Variants in PHKA2 observed in about 807,000 individuals in gnomAD.
The protein encoded by PHKA2 is phosphorylase kinase regulatory subunit alpha 2, also known as phosphorylase b kinase regulatory subunit alpha, liver isoform.
PHKA2 carries 31 observed loss-of-function variants against 102.0 expected under a neutral mutation model. The ratio of observed to expected loss-of-function variants is 0.30; its 90% CI spans 0.23 to 0.41. PHKA2 has a LOEUF of 0.41. Among genes scored for constraint, PHKA2 ranks in the 10% least tolerant of loss-of-function variants. The probability of loss-of-function intolerance (pLI) is 1.00; values close to 1 mark genes in which losing one functional copy is unlikely to be tolerated. For missense variants in PHKA2, 858 were observed against 1,023.1 expected, an observed-to-expected ratio of 0.84 and a Z score of 2.20; for synonymous variants, 455 against 416.2, an observed-to-expected ratio of 1.09 and a Z score of -1.13.
chrX:18,969,250 C>T (rs755768560), intron 1 of PHKA2, among the ~76,000 whole-genome samples: 1 of 111,382 alleles, frequency 9.0e-6, no homozygotes, highest in Non-Finnish European at 1.9e-5. Context: ...AAAATGTCTG[C>T]CAAATGCCCA....
rs376602692 is a variant in PHKA2, at chrX:18,893,453, T to G, written c.*32A>C. On this transcript the variant is annotated 3_prime_UTR_variant, in exon 33 of 33. Coordinates refer to ENST00000379942, the MANE Select transcript of PHKA2 (RefSeq NM_000292.3). Reference sequence around the variant, plus strand: ...GTAAGGCTAGGGGGCACGTGACAGATTGAGAGTGTGATCATGTTTCCAGGT... The same window carrying G: ...GTAAGGCTAGGGGGCACGTGACAGAGTGAGAGTGTGATCATGTTTCCAGGT... 5.9e-6 allele frequency: 7 copies of G among 1,193,152 alleles called. No homozygotes were observed. The highest frequency in any genetic ancestry group is 8.0e-6 in the Non-Finnish European group (7 of 880,485).
In PHKA2 at chrX:18,942,274, G is replaced by A. The variant is rs566239729; in HGVS notation, c.718-599C>T. The stretch of plus-strand genomic sequence containing the variant: ...TTATAAATAAGTGGCTGGATTAGGC[G>A]CTGGAAACTTGTAAAGGAGTTGAAA... On this transcript the variant is annotated intron_variant, in intron 7 of 32. Coordinates refer to ENST00000379942, the MANE Select transcript of PHKA2 (RefSeq NM_000292.3). Among the ~76,000 whole-genome samples the A allele has an allele frequency of 8.0e-5, 9 of 111,946 alleles. No individual in the cohort carries two copies. In the Middle Eastern group the frequency reaches 0.014, roughly 171 times the overall value.
At chrX:18,979,565 T>C (rs2049141482) in intron 1 of PHKA2, among the ~76,000 whole-genome samples, 1 of 111,909 alleles carries the variant, frequency 8.9e-6, no homozygotes, top group African/African-American at 3.2e-5. Flanking sequence ...AGAATTTCTT[T>C]TAAAGGCAAC....
rs760919341 is a variant in PHKA2, at chrX:18,924,382, G to A, written c.1713C>T (p.Leu571=). 8.3e-7 allele frequency: 1 copy of A among 1,210,843 alleles called. No homozygotes were observed. Among genetic ancestry groups the A allele is most frequent in the African/African-American group, 1.7e-5 (1 of 57,747 alleles). Residue 571 remains leucine, a splice_region_variant and synonymous_variant, in exon 16 of 33, where the codon CTC becomes CTT. Transcript: ENST00000379942. ...GCCTGCTGAAATCCCTGGAGTTACT[G>A]AGCATGGTGCGACTGATGGGGAAGG... ...TLTFPISRTM[L]TNDGSDIHSA...
rs752371084 is a variant in PHKA2, at chrX:18,893,504, G to A, written c.3689C>T (p.Ser1230Leu). 6.6e-6 allele frequency: 8 copies of A among 1,211,389 alleles called. No individual in the cohort carries two copies. Among genetic ancestry groups the A allele is most frequent in the East Asian group, 3.0e-5 (1 of 33,847 alleles). The stretch of plus-strand genomic sequence containing the variant: ...GAGACCCTATTGCATCTGGCAGCCC[G>A]AATTGGGCAACAATTCCTGCAAATA... ...ASYLQELLPNSGCQMQ is the reference protein window; with the variant it reads ...ASYLQELLPNLGCQMQ Residue 1230 changes from serine (S) to leucine (L), a missense_variant, in exon 33 of 33, where the codon TCG becomes TTG. By Grantham distance (145) the Ser-to-Leu change is moderately radical. This residue lies in a region of PHKA2 where 671 missense variants were observed against 745.2 expected (regional missense o/e 0.90). Transcript: ENST00000379942.
intron 13 of PHKA2, 133 bp downstream of exon 13, chrX:18,929,095 C>G: frequency 4.0e-6 from 2 of 498,221 alleles, no homozygotes; most frequent in Non-Finnish European, 7.1e-6. Flanking sequence ...AGGCATCTCA[C>G]ACAACTGCTA....
intron 3 of PHKA2, among the ~76,000 whole-genome samples, chrX:18,952,026 T>C (rs868735904): frequency 2.7e-5 from 3 of 109,275 alleles, no homozygotes; most frequent in African/African-American, 6.7e-5. Context: ...TGTGATACAA[T>C]AGTAAAGTTA....
At chrX:18,932,195 A>G (rs1167669934) in intron 11 of PHKA2, among the ~76,000 whole-genome samples, 2 of 112,179 alleles carry the variant, frequency 1.8e-5, no homozygotes, top group Non-Finnish European at 3.8e-5. Context: ...AGAAGGTGGC[A>G]CTATTTACCG....
chrX:18,971,354 C>T (rs1167465828), intron 1 of PHKA2, among the ~76,000 whole-genome samples: 2 of 112,128 alleles, frequency 1.8e-5, no homozygotes, highest in Non-Finnish European at 3.8e-5. Flanking sequence ...TTGCTTTCTC[C>T]TCTGCACATT....
chrX:18,949,148 G>T (rs887682054), intron 4 of PHKA2, among the ~76,000 whole-genome samples: 1 of 111,444 alleles, frequency 9.0e-6, no homozygotes, highest in African/African-American at 3.3e-5. Context: ...TTCCAACAGA[G>T]CAAGGATTTT....
At chrX:18,901,443 G>A in intron 27 of PHKA2, 42 bp downstream of exon 27, 2 of 872,600 alleles carry the variant, frequency 2.3e-6, no homozygotes, top group Non-Finnish European at 3.4e-6. Context: ...CCCAGGTAGG[G>A]AGACCACCAC....
At chrX:18,962,765 A>T (rs1373813021) in intron 1 of PHKA2, among the ~76,000 whole-genome samples, 1 of 112,606 alleles carries the variant, frequency 8.9e-6, no homozygotes, top group African/African-American at 3.2e-5. Flanking sequence ...CTGTGTTAAC[A>T]GAAGTATTGT....
intron 1 of PHKA2, among the ~76,000 whole-genome samples, chrX:18,982,177 T>C (rs1218596698): frequency 1.8e-5 from 2 of 111,968 alleles, no homozygotes; most frequent in Non-Finnish European, 3.8e-5. Context: ...ACTCCTCTAC[T>C]GCTCCCACAA....
rs758330299 is a variant in PHKA2 at position 18,908,986 on chromosome X, C to T, written c.2227-52G>A. Reference sequence around the variant, plus strand: ...GGAGATGGGCTAGGCATGGAACTTTCGGAAGATCAAGAAGTGAAACACCAA... The same window carrying T: ...GGAGATGGGCTAGGCATGGAACTTTTGGAAGATCAAGAAGTGAAACACCAA... On this transcript the variant is annotated intron_variant, in intron 20 of 32. Transcript: ENST00000379942. 7 of 1,204,055 alleles carry T rather than the reference C, an allele frequency of 5.8e-6. No homozygotes were observed. In the South Asian group the frequency reaches 7.0e-5, roughly 12 times the overall value.
chrX:18,950,130 G>A (rs1234079195), intron 4 of PHKA2, among the ~76,000 whole-genome samples: 2 of 111,983 alleles, frequency 1.8e-5, no homozygotes, highest in Non-Finnish European at 3.8e-5. Context: ...AGAGGCCAGC[G>A]GCTCTGGCTT....
At chrX:18,973,187 T>G (rs1051500996) in intron 1 of PHKA2, among the ~76,000 whole-genome samples, 27 of 111,417 alleles carry the variant, frequency 2.4e-4, no homozygotes, top group African/African-American at 8.8e-4. Context: ...GTATTTTTAG[T>G]AGAGACGGGG....
At chrX:18,983,831 T>C (rs761546576) in intron 1 of PHKA2, 24 bp downstream of exon 1, 253 of 1,177,855 alleles carry the variant, frequency 2.1e-4, no homozygotes, top group Non-Finnish European at 2.9e-4. Context: ...TTCCACGCGT[T>C]CCCTGGGGGC....
At chrX:18,948,970 A>T in intron 4 of PHKA2, 144 bp from the exon 5 acceptor site, 1 of 443,143 alleles carries the variant, frequency 2.3e-6, no homozygotes, top group Non-Finnish European at 4.2e-6. Context: ...GTCTTAAGTA[A>T]GGCATAACAG....
At position 18,905,771 on chromosome X, in the gene PHKA2, G is replaced by A. The variant is rs754838721; in HGVS notation, c.2895C>T (p.Gly965=). 1.3e-5 allele frequency: 15 copies of A among 1,198,834 alleles called. No individual in the cohort carries two copies. Among genetic ancestry groups the A allele is most frequent in the Admixed American group, 2.2e-5 (1 of 46,051 alleles). The change falls in exon 26 of 33, where the codon GGC becomes GGT. Residue 965 remains glycine (G), a synonymous_variant. Transcript: ENST00000379942. ...LHHILSGKEF[G]VERSVRPIHS... is the part of the protein sequence containing the mutation. ...CATGGAACTTACCACTTCTTTCAAC[G>A]CCAAACTCTTTCCCACTTAGAATAT...
Sources: gnomAD v4.1 joint callset for allele counts (sites outside exome capture counted in the v4.1 genomes callset) on GRCh38, gnomAD v4.1.1 for gene constraint, gnomAD v4.1.1 regional missense constraint, MANE v1.5 for transcripts, NCBI Gene and HGNC (gene_info 2026-07-23, HGNC 2026-07-21) for gene names.